Variants in GRM7 observed in about 807,000 individuals in gnomAD.
GRM7 encodes the protein metabotropic glutamate receptor 7.
GRM7 carries 35 observed loss-of-function variants against 84.5 expected under a neutral mutation model. That is an observed-to-expected ratio of 0.41 (90% CI 0.32 to 0.55). GRM7 has a LOEUF of 0.55. Among genes scored for constraint, GRM7 ranks in the 20% least tolerant of loss-of-function variants. The probability of loss-of-function intolerance (pLI) is 0.19; values close to 1 mark genes in which losing one functional copy is unlikely to be tolerated. For synonymous variants in GRM7, 487 were observed against 455.1 expected (o/e 1.07, Z -0.89); for missense variants, 1,003 against 1,194.6 (o/e 0.84, Z 2.36).
chr3:6,918,592 T>C (rs544939474), intron 1 of GRM7, among the ~76,000 whole-genome samples: 1 of 152,184 alleles, frequency 6.6e-6, no homozygotes, highest in Non-Finnish European at 1.5e-5. Flanking sequence ...TATTCATTCA[T>C]TCATCTAACA....
At chr3:7,358,845 C>T (rs1196404255) in intron 4 of GRM7, among the ~76,000 whole-genome samples, 2 of 152,086 alleles carry the variant, frequency 1.3e-5, no homozygotes, top group African/African-American at 4.8e-5. Flanking sequence ...TGGACGGGCA[C>T]AGTGGCTCAC....
chr3:7,266,029 T>C (rs1349495691), intron 2 of GRM7, among the ~76,000 whole-genome samples: 1 of 152,114 alleles, frequency 6.6e-6, no homozygotes, highest in Admixed American at 6.5e-5. Flanking sequence ...GGGAGATGTA[T>C]GAGCCTGTGA....
At chr3:7,655,297 G>T (rs1320603742) in intron 8 of GRM7, among the ~76,000 whole-genome samples, 2 of 152,184 alleles carry the variant, frequency 1.3e-5, no homozygotes, top group African/African-American at 4.8e-5. Context: ...GAGCAACTTT[G>T]TATTGGCCAT....
intron 2 of GRM7, among the ~76,000 whole-genome samples, chr3:7,278,651 G>C (rs1699155225): frequency 6.6e-6 from 1 of 152,102 alleles, no homozygotes. Context: ...CAATAATCAT[G>C]CATAAGATGT....
chr3:6,913,197 C>G (rs1002579082), intron 1 of GRM7, among the ~76,000 whole-genome samples: 66 of 152,178 alleles, frequency 4.3e-4, no homozygotes, highest in African/African-American at 1.6e-3. Flanking sequence ...CCCCATTTAG[C>G]AATGGCTTCG....
chr3:6,877,079 G>A (rs749774558), intron 1 of GRM7, among the ~76,000 whole-genome samples: 3 of 152,110 alleles, frequency 2.0e-5, no homozygotes, highest in African/African-American at 4.8e-5. Context: ...ATGGATGGAG[G>A]GCTGTTTTAT....
intron 1 of GRM7, among the ~76,000 whole-genome samples, chr3:6,978,343 G>T (rs1457214380): frequency 1.3e-5 from 2 of 152,178 alleles, no homozygotes; most frequent in Admixed American, 1.3e-4. Context: ...CCAACACCTT[G>T]ATTATAAACT....
chr3:6,925,223 T>C (rs182636581), intron 1 of GRM7, among the ~76,000 whole-genome samples: 2 of 152,324 alleles, frequency 1.3e-5, no homozygotes, highest in Admixed American at 6.5e-5. Context: ...TCCACATATT[T>C]TAAGTTCCAT....
chr3:7,101,017 G>A (rs146718439), intron 1 of GRM7, among the ~76,000 whole-genome samples: 38 of 151,812 alleles, frequency 2.5e-4, no homozygotes, highest in Non-Finnish European at 4.6e-4. Context: ...GAACATTTGT[G>A]TGGTTGACAG....
At chr3:6,990,029 T>C (rs1694574706) in intron 1 of GRM7, among the ~76,000 whole-genome samples, 1 of 152,230 alleles carries the variant, frequency 6.6e-6, no homozygotes, top group Non-Finnish European at 1.5e-5. Flanking sequence ...TAGCTGACTC[T>C]GCATTTTCTT....
intron 7 of GRM7, among the ~76,000 whole-genome samples, chr3:7,471,900 A>C (rs769142133): frequency 6.6e-6 from 1 of 152,142 alleles, no homozygotes; most frequent in African/African-American, 2.4e-5. Context: ...TATCGTTTGA[A>C]TGTTTGCCCC....
intron 8 of GRM7, among the ~76,000 whole-genome samples, chr3:7,641,709 T>G (rs558761133): frequency 1.3e-5 from 2 of 152,224 alleles, no homozygotes; most frequent in African/African-American, 4.8e-5. Flanking sequence ...AGGAAAATAA[T>G]ACGCAATGAT....
intron 7 of GRM7, among the ~76,000 whole-genome samples, chr3:7,496,097 G>T (rs1017112778): frequency 6.6e-6 from 1 of 152,156 alleles, no homozygotes; most frequent in Non-Finnish European, 1.5e-5. Context: ...AAGCTTCTGG[G>T]CAGAGACCTG....
chr3:7,059,530 A>T (rs1160227915), intron 1 of GRM7, among the ~76,000 whole-genome samples: 1 of 151,802 alleles, frequency 6.6e-6, no homozygotes, highest in African/African-American at 2.4e-5. Flanking sequence ...TTCCAAAGAA[A>T]ATTGCTAGAG....
intron 4 of GRM7, among the ~76,000 whole-genome samples, chr3:7,329,788 G>T (rs1701128249): frequency 1.3e-5 from 2 of 152,106 alleles, no homozygotes; most frequent in South Asian, 4.1e-4. Flanking sequence ...GTGAGTGGGG[G>T]TATATATGCA....
chr3:7,268,883 C>T (rs1317511488), intron 2 of GRM7, among the ~76,000 whole-genome samples: 5 of 152,028 alleles, frequency 3.3e-5, no homozygotes, highest in Admixed American at 2.0e-4. Flanking sequence ...TTTGGTGGAC[C>T]GAGTCCAGGA....
At chr3:7,264,699 G>A (rs1698568478) in intron 2 of GRM7, among the ~76,000 whole-genome samples, 1 of 152,100 alleles carries the variant, frequency 6.6e-6, no homozygotes, top group African/African-American at 2.4e-5. Flanking sequence ...TCGTGGTTGT[G>A]TCTAGCTGAC....
At chr3:7,491,412 G>GTATATATATATATA (rs59392949) in intron 7 of GRM7, among the ~76,000 whole-genome samples, 2 of 149,774 alleles carry the variant, frequency 1.3e-5, no homozygotes, top group Admixed American at 1.3e-4. Flanking sequence ...GATTTAGATG[G>GTATATATATATATA]TATATATATA....
chr3:7,288,255 C>T (rs1039988665), intron 2 of GRM7, among the ~76,000 whole-genome samples: 1 of 151,998 alleles, frequency 6.6e-6, no homozygotes, highest in Non-Finnish European at 1.5e-5. Context: ...TGAAAAGATG[C>T]TATTACAAAG....
Sources: gnomAD v4.1 joint callset for allele counts (sites outside exome capture counted in the v4.1 genomes callset) on GRCh38, gnomAD v4.1.1 for gene constraint, MANE v1.5 for transcripts, NCBI Gene and HGNC (gene_info 2026-07-23, HGNC 2026-07-21) for gene names.